The following FSTL4 variants were observed in gnomAD, a reference collection of about 807,000 sequenced individuals.
FSTL4 encodes follistatin like 4.
Under a neutral mutation model 78.2 loss-of-function variants are expected in FSTL4, and 28 were observed. That is an observed-to-expected ratio of 0.36 (90% CI 0.27 to 0.49). The LOEUF (loss-of-function observed/expected upper bound fraction) is 0.49, where lower values mean the gene tolerates loss of function less well. FSTL4 is among the 20% of genes least tolerant of loss of function. FSTL4 has a pLI of 0.98. For missense variants in FSTL4, 922 were observed against 1,084.9 expected (o/e 0.85, Z 2.11); for synonymous variants, 422 against 440.5 (o/e 0.96, Z 0.53).
chr5:133,478,716 C>T (rs1408408947), intron 3 of FSTL4, among the ~76,000 whole-genome samples: 1 of 152,140 alleles, frequency 6.6e-6, no homozygotes, highest in Non-Finnish European at 1.5e-5. Flanking sequence ...CTGTAGCTTT[C>T]TACATGGCCA....
At position 133,547,295 on chromosome 5, in the gene FSTL4, T is replaced by G. The variant is rs546315284; in HGVS notation, c.160+19891A>C. Among the ~76,000 whole-genome samples the G allele has an allele frequency of 4.6e-5, 7 of 152,326 alleles. No homozygotes were observed. In the South Asian group the frequency reaches 1.5e-3, roughly 32 times the overall value. On this transcript the variant is annotated intron_variant, in intron 3 of 15. Coordinates refer to ENST00000265342, the MANE Select transcript of FSTL4 (RefSeq NM_015082.2). ...ATCTTATACCTGTCCATTCATTGTA[T>G]CTTGGAAGTAGATAACTCATTTTGA...
chr5:133,514,137 C>A (rs952721629), intron 3 of FSTL4, among the ~76,000 whole-genome samples: 2 of 150,736 alleles, frequency 1.3e-5, no homozygotes, highest in Non-Finnish European at 3.0e-5. Context: ...CGAGATCGAG[C>A]CACTGCGTTC....
the FSTL4 span, among the ~76,000 whole-genome samples, chr5:133,825,628 G>A: frequency 3.9e-5 from 6 of 152,196 alleles, no homozygotes; most frequent in Non-Finnish European, 7.3e-5. Flanking sequence ...TCCTAACAAG[G>A]CTTCACCAGG....
chr5:133,399,492 C>T (rs781203334), intron 4 of FSTL4, among the ~76,000 whole-genome samples: 4 of 152,172 alleles, frequency 2.6e-5, no homozygotes, highest in Admixed American at 6.5e-5. Context: ...AGTGGAGTGG[C>T]CCATTAGGTG....
chr5:133,441,501 C>T (rs1561718088), intron 3 of FSTL4, among the ~76,000 whole-genome samples: 1 of 152,202 alleles, frequency 6.6e-6, no homozygotes, highest in South Asian at 2.1e-4. Flanking sequence ...CAGCCCTCAC[C>T]CATCACAGTG....
intron 7 of FSTL4, chr5:133,248,699 G>T (rs935375129): frequency 2.0e-5 from 3 of 152,226 alleles, no homozygotes; most frequent in Non-Finnish European, 4.4e-5. Flanking sequence ...AACGGAGGCT[G>T]CCTGGTTCCT....
chr5:133,220,901 A>C, intron 11 of FSTL4, 35 bp from the exon 12 acceptor site: 1 of 1,264,976 alleles, frequency 7.9e-7, no homozygotes, highest in African/African-American at 1.5e-5. Flanking sequence ...ATGCCCTCCA[A>C]GCAGTCGGCC....
intron 3 of FSTL4, among the ~76,000 whole-genome samples, chr5:133,428,054 T>C (rs1284544197): frequency 1.3e-5 from 2 of 152,192 alleles, no homozygotes; most frequent in Non-Finnish European, 1.5e-5. Flanking sequence ...AAGTAATGTG[T>C]GAATAACAAT....
the FSTL4 span, among the ~76,000 whole-genome samples, chr5:133,751,118 C>G: frequency 3.3e-5 from 5 of 152,156 alleles, no homozygotes; most frequent in South Asian, 2.1e-4. Flanking sequence ...CCCTCTCCCC[C>G]CAGCCCTCAG....
chr5:133,767,440 T>C, the FSTL4 span, among the ~76,000 whole-genome samples: 1 of 152,050 alleles, frequency 6.6e-6, no homozygotes, highest in Non-Finnish European at 1.5e-5. Context: ...ATAAGGGATA[T>C]GAGAGGGCAT....
At chr5:133,258,733 C>T (rs1752442000) in intron 6 of FSTL4, among the ~76,000 whole-genome samples, 1 of 152,170 alleles carries the variant, frequency 6.6e-6, no homozygotes, top group Admixed American at 6.5e-5. Context: ...CCAGCCTTTA[C>T]TATACTACAC....
At chr5:133,312,275 T>G (rs1753803312) in intron 6 of FSTL4, 1 of 179,296 alleles carries the variant, frequency 5.6e-6, no homozygotes, top group South Asian at 1.4e-4. Flanking sequence ...GGTGTTTTTC[T>G]CCAGGTAGGG....
At chr5:133,309,784 C>G (rs1753734609) in intron 6 of FSTL4, among the ~76,000 whole-genome samples, 1 of 152,220 alleles carries the variant, frequency 6.6e-6, no homozygotes, top group Admixed American at 6.5e-5. Context: ...CGGTAGGCTA[C>G]TGAGCTGGAG....
chr5:133,783,537 T>A, the FSTL4 span, among the ~76,000 whole-genome samples: 1 of 152,192 alleles, frequency 6.6e-6, no homozygotes, highest in South Asian at 2.1e-4. Flanking sequence ...TTCATCATAG[T>A]GGAAAACGGT....
the FSTL4 span, among the ~76,000 whole-genome samples, chr5:133,722,983 C>T: frequency 6.6e-6 from 1 of 152,080 alleles, no homozygotes; most frequent in Admixed American, 6.6e-5. Flanking sequence ...TTTTTGTCTT[C>T]CCCACGGTTA....
the FSTL4 span, among the ~76,000 whole-genome samples, chr5:133,674,585 ATGTGTGTGTGTGTGTGTGTGTGTGTCTG>A: frequency 6.7e-6 from 1 of 149,922 alleles, no homozygotes; most frequent in Admixed American, 6.6e-5. Context: ...AGACTTCCAT[ATGTGTGTGTGTGTGTGTGTGTGTGTCTG>A]TGTGTGTGTG....
At chr5:133,487,842 A>G (rs1758168215) in intron 3 of FSTL4, among the ~76,000 whole-genome samples, 1 of 152,186 alleles carries the variant, frequency 6.6e-6, no homozygotes, top group Admixed American at 6.5e-5. Context: ...TCTCTGAGCT[A>G]CTTAAAATCC....
At chr5:133,516,099 T>C (rs1758846953) in intron 3 of FSTL4, among the ~76,000 whole-genome samples, 1 of 152,172 alleles carries the variant, frequency 6.6e-6, no homozygotes, top group African/African-American at 2.4e-5. Context: ...AGTTCAGTGA[T>C]AATTTACCAA....
At chr5:133,384,663 C>T (rs1197166187) in intron 4 of FSTL4, among the ~76,000 whole-genome samples, 2 of 152,182 alleles carry the variant, frequency 1.3e-5, no homozygotes, top group Non-Finnish European at 2.9e-5. Context: ...CCTGCTGGGC[C>T]CCTGCCTCCA....
Sources: allele counts gnomAD v4.1 joint callset (sites outside exome capture counted in the v4.1 genomes callset), GRCh38; gene constraint gnomAD v4.1.1; transcripts MANE v1.5; gene names NCBI Gene and HGNC (gene_info 2026-07-23, HGNC 2026-07-21).